The following ADGRL2 variants were observed in gnomAD, a reference collection of about 807,000 sequenced individuals.
The protein encoded by ADGRL2 is adhesion G protein-coupled receptor L2, also known as calcium-independent alpha-latrotoxin receptor 2.
Under a neutral mutation model 157.4 loss-of-function variants are expected in ADGRL2, and 44 were observed. The observed-to-expected ratio is 0.28, with a 90% CI of 0.22 to 0.36. The LOEUF (loss-of-function observed/expected upper bound fraction) is 0.36, where lower values mean the gene tolerates loss of function less well. ADGRL2 is among the 10% of genes least tolerant of loss of function. ADGRL2 has a pLI of 1.00. For missense variants in ADGRL2, 1,510 were observed against 1,768.9 expected, an observed-to-expected ratio of 0.85 and a Z score of 2.63; for synonymous variants, 585 against 624.7, an observed-to-expected ratio of 0.94 and a Z score of 0.95.
chr1:81,504,011 C>T (rs553334554), intron 2 of ADGRL2, among the ~76,000 whole-genome samples: 4 of 152,226 alleles, frequency 2.6e-5, no homozygotes, highest in Admixed American at 2.0e-4. Context: ...TCCTGGGGTA[C>T]GGGTCCCTCA....
chr1:81,847,132 G>A lies in ADGRL2; in HGVS notation c.73+10075G>A, dbSNP rs181541306. On this transcript the variant is annotated intron_variant, in intron 2 of 23. Transcript: ENST00000686636. ...TCAGGGAAGTAAAGAATGTGTATTA[G>A]GATCCAGAGAGAGGAAAGATTCAGG... 1.9e-3 allele frequency among the ~76,000 whole-genome samples: 286 copies of A among 151,926 alleles called. 5 individuals are homozygous for A. Among genetic ancestry groups the A allele is most frequent in the African/African-American group, 6.7e-3 (276 of 41,500 alleles).
chr1:81,953,683 G>A (rs1255147286), intron 10 of ADGRL2, among the ~76,000 whole-genome samples: 2 of 152,126 alleles, frequency 1.3e-5, no homozygotes, highest in African/African-American at 4.8e-5. Context: ...GAAACATGCT[G>A]AGGCTGCCAT....
chr1:81,743,188 A>G (rs2085127687), intron 1 of ADGRL2, among the ~76,000 whole-genome samples: 1 of 152,002 alleles, frequency 6.6e-6, no homozygotes. Context: ...TTTTGAAATT[A>G]AGGGTTCTTA....
At chr1:81,347,315 C>T (rs1215340600) in intron 1 of ADGRL2, among the ~76,000 whole-genome samples, 6 of 151,916 alleles carry the variant, frequency 3.9e-5, no homozygotes, top group African/African-American at 4.8e-5. Context: ...GCAGGAGAAT[C>T]GCTTGAACCC....
intron 1 of ADGRL2, among the ~76,000 whole-genome samples, chr1:81,338,221 G>T (rs1330047934): frequency 6.6e-6 from 1 of 151,968 alleles, no homozygotes; most frequent in African/African-American, 2.4e-5. Context: ...AAATTAGCTG[G>T]ACTCTGTGGT....
intron 1 of ADGRL2, among the ~76,000 whole-genome samples, chr1:81,322,880 C>T (rs1165912549): frequency 6.6e-6 from 1 of 152,046 alleles, no homozygotes; most frequent in Non-Finnish European, 1.5e-5. Flanking sequence ...TTTGTTGAGA[C>T]ACGGCCTCAC....
chr1:81,735,877 G>T (rs886360563), intron 1 of ADGRL2, among the ~76,000 whole-genome samples: 33 of 151,924 alleles, frequency 2.2e-4, no homozygotes, highest in Non-Finnish European at 4.0e-4. Flanking sequence ...GGGCGCGGTG[G>T]CTTACGCCTG....
chr1:81,902,719 T>C (rs1412043503), intron 2 of ADGRL2, among the ~76,000 whole-genome samples: 2 of 152,224 alleles, frequency 1.3e-5, no homozygotes, highest in Non-Finnish European at 2.9e-5. Flanking sequence ...GAGGCATGTC[T>C]GACCACCCAT....
intron 1 of ADGRL2, chr1:81,722,037 T>A (rs537114123): frequency 7.3e-5 from 31 of 425,728 alleles, no homozygotes; most frequent in South Asian, 3.1e-4. Flanking sequence ...TCACGCCTGT[T>A]ATCGCAGCAC....
At chr1:81,473,652 ACCTATC>A (rs1244371699) in intron 2 of ADGRL2, among the ~76,000 whole-genome samples, 1 of 152,116 alleles carries the variant, frequency 6.6e-6, no homozygotes, top group Non-Finnish European at 1.5e-5. Context: ...TTAACCCTTA[ACCTATC>A]ACCCGTCTCC....
chr1:81,766,830 CAA>C (rs71592740), intron 2 of ADGRL2, among the ~76,000 whole-genome samples: 69 of 81,070 alleles, frequency 8.5e-4, no homozygotes, highest in African/African-American at 1.4e-3. Context: ...AACTCCGTCT[CAA>C]AAAAAAAAAA....
chr1:81,602,248 T>A (rs2081347031), intron 3 of ADGRL2, among the ~76,000 whole-genome samples: 2 of 151,800 alleles, frequency 1.3e-5, no homozygotes, highest in Non-Finnish European at 2.9e-5. Flanking sequence ...TCGCTTGAGG[T>A]CAGGAGTTTG....
intron 1 of ADGRL2, among the ~76,000 whole-genome samples, chr1:81,385,144 A>C (rs972054480): frequency 6.6e-6 from 1 of 152,162 alleles, no homozygotes; most frequent in Non-Finnish European, 1.5e-5. Context: ...CTTAAATTTT[A>C]TCAATACTAT....
chr1:81,417,274 A>T (rs2077048868), intron 1 of ADGRL2, among the ~76,000 whole-genome samples: 1 of 152,142 alleles, frequency 6.6e-6, no homozygotes, highest in Non-Finnish European at 1.5e-5. Context: ...CATAAGAAAA[A>T]TACTTTAATT....
At chr1:81,418,860 C>A (rs1429564669) in intron 1 of ADGRL2, among the ~76,000 whole-genome samples, 1 of 152,128 alleles carries the variant, frequency 6.6e-6, no homozygotes, top group East Asian at 1.9e-4. Flanking sequence ...TAACCAAATC[C>A]ATGTTAAAAT....
chr1:81,372,460 C>T (rs2076176589), intron 1 of ADGRL2, among the ~76,000 whole-genome samples: 1 of 152,110 alleles, frequency 6.6e-6, no homozygotes, highest in Non-Finnish European at 1.5e-5. Flanking sequence ...ACCCTCATGC[C>T]CCCATTTGCT....
rs773672775 is a variant in ADGRL2 at position 81,943,147 on chromosome 1, C to T, written c.588C>T (p.Phe196=). 1 of 1,613,352 alleles carries T rather than the reference C, an allele frequency of 6.2e-7. No homozygotes were observed. The highest frequency in any genetic ancestry group is 8.5e-7 in the Non-Finnish European group (1 of 1,179,620). ...TAGAATATGCTTCTTTAGAAGATTT[C>T]CAAAATAGTCGCCAAACAACAACAT... ...TLIEYASLED[F]QNSRQTTTYK... Residue 196 remains phenylalanine, a synonymous_variant, in exon 6 of 24, where the codon TTC becomes TTT. Transcript: ENST00000686636. This position sits in a 1 kb window ranked among gnomAD's most constrained non-coding sequence, Gnocchi z 5.6.
chr1:81,479,475 C>A (rs551509493), intron 2 of ADGRL2, among the ~76,000 whole-genome samples: 1 of 151,852 alleles, frequency 6.6e-6, no homozygotes, highest in South Asian at 2.1e-4. Flanking sequence ...AGTGAGACTC[C>A]GTCTGAAAAA....
Position 81,990,710 on chromosome 1 carries a change from G to T in ADGRL2, c.3975G>T (p.Gly1325=). 6.2e-7 allele frequency: 1 copy of T among 1,614,092 alleles called. No homozygotes were observed. Among genetic ancestry groups the T allele is most frequent in the Non-Finnish European group, 8.5e-7 (1 of 1,180,008 alleles). Residue 1325 remains glycine (G), a synonymous_variant, in exon 24 of 24, where the codon GGG becomes GGT. Transcript: ENST00000686636. ...ASSLMHSDNP[G]LELHHKELEA... is the part of the protein sequence containing the mutation. ...CTTTAATGCACAGCGACAACCCAGG[G>T]CTGGAGCTCCATCACAAAGAACTCG...
Sources: gnomAD v4.1 joint callset for allele counts (sites outside exome capture counted in the v4.1 genomes callset) on GRCh38, gnomAD v4.1.1 for gene constraint, Gnocchi (gnomAD v3.1) non-coding constraint, MANE v1.5 for transcripts, NCBI Gene and HGNC (gene_info 2026-07-23, HGNC 2026-07-21) for gene names.